Variants in ATRNL1 observed in about 807,000 individuals in gnomAD.
ATRNL1 encodes the protein attractin like 1.
In ATRNL1, 95 loss-of-function variants were observed where a neutral mutation model predicts 182.7. The ratio of observed to expected loss-of-function variants is 0.52; its 90% CI spans 0.44 to 0.62. ATRNL1 has a LOEUF of 0.62. ATRNL1 is among the 20% of genes least tolerant of loss of function. The pLI, the probability that ATRNL1 is intolerant of heterozygous loss-of-function variation, is 0.00. For missense variants in ATRNL1, 1,471 were observed against 1,679.5 expected (o/e 0.88, Z 2.17); for synonymous variants, 576 against 568.3 (o/e 1.01, Z -0.19).
At chr10:115,824,401 T>G (rs560472209) in intron 27 of ATRNL1, among the ~76,000 whole-genome samples, 62 of 152,102 alleles carry the variant, frequency 4.1e-4, no homozygotes, top group Non-Finnish European at 4.4e-4. Flanking sequence ...CCAAAAGCAA[T>G]GGCAACAAAA....
Position 115,780,631 on chromosome 10 carries a change from T to C in ATRNL1, c.3903+53276T>C, listed in dbSNP as rs543245933. ...GGATACCAGCTCAGCAACAGTAGGA[T>C]AGGGCACTGGTCAGAGTCATGAGGC... On this transcript the variant is annotated intron_variant, in intron 27 of 28. Coordinates refer to ENST00000355044, the MANE Select transcript of ATRNL1 (RefSeq NM_207303.4). Among the ~76,000 whole-genome samples, 3 of 152,276 alleles carry C rather than the reference T, an allele frequency of 2.0e-5. No homozygotes were observed. The South Asian group carries it at 6.2e-4, about 32-fold the overall frequency.
At chr10:115,571,797 C>T (rs1468697063) in intron 26 of ATRNL1, among the ~76,000 whole-genome samples, 1 of 151,792 alleles carries the variant, frequency 6.6e-6, no homozygotes, top group Non-Finnish European at 1.5e-5. Flanking sequence ...TCCTAATAAA[C>T]TAATATTTCT....
chr10:115,614,203 G>A (rs1857314823), intron 26 of ATRNL1, among the ~76,000 whole-genome samples: 1 of 151,942 alleles, frequency 6.6e-6, no homozygotes, highest in Non-Finnish European at 1.5e-5. Context: ...GCTGTATCCT[G>A]TAGGTTTTGG....
chr10:115,124,592 C>A (rs1554872804), intron 3 of ATRNL1, among the ~76,000 whole-genome samples: 1 of 152,188 alleles, frequency 6.6e-6, no homozygotes, highest in Non-Finnish European at 1.5e-5. Context: ...CTCCCATCCC[C>A]TTCTCTCTCG....
At chr10:115,478,903 T>A (rs2134603616) in intron 24 of ATRNL1, among the ~76,000 whole-genome samples, 1 of 151,804 alleles carries the variant, frequency 6.6e-6, no homozygotes, top group South Asian at 2.1e-4. Flanking sequence ...TCCTGTCCTT[T>A]CTTCTGTAAA....
chr10:115,510,978 C>A (rs1355902379), intron 24 of ATRNL1, among the ~76,000 whole-genome samples: 2 of 151,884 alleles, frequency 1.3e-5, no homozygotes, highest in East Asian at 3.9e-4. Context: ...ATTCATTAGG[C>A]ATGTGTTTGC....
rs1475821011 is a variant in ATRNL1 at position 115,694,953 on chromosome 10, A to G, written c.3796-32295A>G. ...CACATGCACACACGCACACACACACACACACACAGAGTATCTTCATCCATT... is the reference window on the plus strand; with the variant it reads ...CACATGCACACACGCACACACACACGCACACACAGAGTATCTTCATCCATT... On this transcript the variant is annotated intron_variant, in intron 26 of 28. Coordinates refer to ENST00000355044, the MANE Select transcript of ATRNL1 (RefSeq NM_207303.4). Among the ~76,000 whole-genome samples the G allele has an allele frequency of 8.6e-5, 13 of 151,386 alleles. No individual in the cohort carries two copies. The South Asian group carries it at 2.3e-3, about 27-fold the overall frequency.
intron 27 of ATRNL1, among the ~76,000 whole-genome samples, chr10:115,800,906 G>A (rs1949776411): frequency 1.3e-5 from 2 of 152,176 alleles, no homozygotes; most frequent in African/African-American, 2.4e-5. Context: ...AGCCACCCCA[G>A]TCTATGACAC....
chr10:115,810,414 CCTT>C (rs1555086719), intron 27 of ATRNL1, among the ~76,000 whole-genome samples: 1 of 151,792 alleles, frequency 6.6e-6, no homozygotes, highest in Non-Finnish European at 1.5e-5. Flanking sequence ...GCTGCCTAGT[CCTT>C]GGGGTTTTCT....
chr10:115,169,806 A>G (rs1488832844), intron 7 of ATRNL1, among the ~76,000 whole-genome samples: 1 of 152,092 alleles, frequency 6.6e-6, no homozygotes, highest in African/African-American at 2.4e-5. Flanking sequence ...TATCTTTTAA[A>G]AATTTATTTA....
chr10:115,579,553 G>A (rs1423882863), intron 26 of ATRNL1, among the ~76,000 whole-genome samples: 1 of 151,716 alleles, frequency 6.6e-6, no homozygotes, highest in East Asian at 1.9e-4. Flanking sequence ...CTTTCTTTTG[G>A]TTTCCATTTG....
At chr10:115,939,484 T>G (rs1388165782) in intron 28 of ATRNL1, among the ~76,000 whole-genome samples, 2 of 152,242 alleles carry the variant, frequency 1.3e-5, no homozygotes, top group East Asian at 3.8e-4. Context: ...ATAATAACTA[T>G]TGAAACCCCA....
intron 19 of ATRNL1, among the ~76,000 whole-genome samples, chr10:115,386,663 T>G (rs1858369265): frequency 1.3e-5 from 2 of 152,148 alleles, no homozygotes; most frequent in Middle Eastern, 3.4e-3. Context: ...TTTTTTTATT[T>G]TTATTTTATT....
chr10:115,644,776 G>A (rs960425380), intron 26 of ATRNL1, among the ~76,000 whole-genome samples: 6 of 152,274 alleles, frequency 3.9e-5, no homozygotes, highest in Non-Finnish European at 8.8e-5. Context: ...GGATTTTGCA[G>A]TAATTATAAA....
At chr10:115,610,487 A>C (rs2133963197) in intron 26 of ATRNL1, among the ~76,000 whole-genome samples, 1 of 152,308 alleles carries the variant, frequency 6.6e-6, no homozygotes, top group South Asian at 2.1e-4. Context: ...CACTCCCCAA[A>C]ATGGTACTTG....
At chr10:115,555,267 G>A (rs952199299) in intron 26 of ATRNL1, among the ~76,000 whole-genome samples, 19 of 151,338 alleles carry the variant, frequency 1.3e-4, no homozygotes, top group Admixed American at 1.1e-3. Context: ...AGTTATACTG[G>A]GCAAGCAAAA....
At chr10:115,417,856 A>G (rs1490673484) in intron 20 of ATRNL1, among the ~76,000 whole-genome samples, 1 of 152,104 alleles carries the variant, frequency 6.6e-6, no homozygotes, top group African/African-American at 2.4e-5. Flanking sequence ...ACTGCCCTCT[A>G]GTGTTTAGGG....
At chr10:115,379,897 G>A (rs1857896196) in intron 19 of ATRNL1, among the ~76,000 whole-genome samples, 1 of 152,176 alleles carries the variant, frequency 6.6e-6, no homozygotes, top group Non-Finnish European at 1.5e-5. Context: ...CGTGATCTCA[G>A]CTCATTGCAA....
At chr10:115,285,278 G>T (rs1358072163) in intron 14 of ATRNL1, among the ~76,000 whole-genome samples, 1 of 151,936 alleles carries the variant, frequency 6.6e-6, no homozygotes, top group Non-Finnish European at 1.5e-5. Flanking sequence ...AGTAGATATA[G>T]CATGCATAAA....
Sources: allele counts gnomAD v4.1 joint callset (sites outside exome capture counted in the v4.1 genomes callset), GRCh38; gene constraint gnomAD v4.1.1; transcripts MANE v1.5; gene names NCBI Gene and HGNC (gene_info 2026-07-23, HGNC 2026-07-21).